The following RIMS2 variants were observed in gnomAD, a reference collection of about 807,000 sequenced individuals.
RIMS2 encodes regulating synaptic membrane exocytosis 2, also known as regulating synaptic membrane exocytosis protein 2.
A neutral mutation model predicts 174.4 loss-of-function variants in RIMS2; 59 were observed. That is an observed-to-expected ratio of 0.34 (90% CI 0.27 to 0.42). The LOEUF is 0.42. Ranked by LOEUF, RIMS2 falls within the 10% of genes least tolerant of loss-of-function variation. The pLI is 1.00. For missense variants in RIMS2, 1,620 were observed against 1,666.3 expected, an observed-to-expected ratio of 0.97 and a Z score of 0.48; for synonymous variants, 606 against 572.5, an observed-to-expected ratio of 1.06 and a Z score of -0.84.
chr8:103,913,626 C>T lies in RIMS2; in HGVS notation c.1812+1454C>T, dbSNP rs139840133. 6.6e-5 allele frequency among the ~76,000 whole-genome samples: 10 copies of T among 152,182 alleles called. No individual in the cohort carries two copies. The East Asian group carries it at 1.9e-3, about 29-fold the overall frequency. On this transcript the variant is annotated intron_variant, in intron 6 of 23. Transcript: ENST00000504942. ...GAGGTTTAATCAGCTCATAGTTCTG[C>T]AGGCTTTAAAGGAAGCATGATGCCA...
chr8:103,907,847 G>A (rs151300578), intron 4 of RIMS2, among the ~76,000 whole-genome samples: 6 of 151,508 alleles, frequency 4.0e-5, no homozygotes, highest in East Asian at 3.9e-4. Context: ...CCGGGTTCAC[G>A]CTATTCTCCT....
intron 3 of RIMS2, among the ~76,000 whole-genome samples, chr8:103,884,008 T>C (rs796077266): frequency 2.0e-5 from 3 of 151,890 alleles, no homozygotes; most frequent in East Asian, 1.9e-4. Flanking sequence ...TCAACTGTTA[T>C]GTAGCTTCTG....
In RIMS2 at chr8:103,656,158, A is replaced by G. The variant is rs2096529094; in HGVS notation, c.177-40928A>G. Among the ~76,000 whole-genome samples, 7 of 152,264 alleles carry G rather than the reference A, an allele frequency of 4.6e-5. No individual in the cohort carries two copies. In the South Asian group the frequency reaches 1.5e-3, roughly 32 times the overall value. On this transcript the variant is annotated intron_variant, in intron 1 of 23. Transcript: ENST00000504942. ...AGATTTAGAAGTTGTTGAAGAAGGG[A>G]AAAGAACCAAAGATGACTCCTGGGT...
intron 1 of RIMS2, among the ~76,000 whole-genome samples, chr8:103,583,708 A>T (rs533006597): frequency 6.6e-6 from 1 of 152,122 alleles, no homozygotes; most frequent in Non-Finnish European, 1.5e-5. Context: ...TTGAAAATAC[A>T]CAGTCAGAGG....
rs1259884091 is a variant in RIMS2 at position 103,989,497 on chromosome 8, T to C, written c.3044+76T>C. The C allele has an allele frequency of 2.7e-5, 19 of 698,070 alleles. No homozygotes were observed. In the East Asian group the frequency reaches 5.0e-4, roughly 19 times the overall value. 43.2% of individuals were successfully genotyped at this position (698,070 alleles called of 1,614,324 possible). On this transcript the variant is annotated intron_variant, in intron 17 of 23. Transcript: ENST00000504942. ...TTCAGGAAGGGGTTACCATAAAATA[T>C]TTTCACATATTCCTTTTTCTTAGTT...
chr8:103,518,446 A>G (rs1830058979), intron 1 of RIMS2, among the ~76,000 whole-genome samples: 1 of 152,084 alleles, frequency 6.6e-6, no homozygotes, highest in African/African-American at 2.4e-5. Context: ...TCTGGGCCAC[A>G]TGTGGCCTGC....
At chr8:103,778,446 T>A (rs1366279553) in intron 3 of RIMS2, among the ~76,000 whole-genome samples, 1 of 152,102 alleles carries the variant, frequency 6.6e-6, no homozygotes, top group Admixed American at 6.6e-5. Context: ...ACCATCAATC[T>A]ACTTTCTAGA....
At chr8:103,833,820 A>C (rs2154480819) in intron 3 of RIMS2, among the ~76,000 whole-genome samples, 1 of 152,204 alleles carries the variant, frequency 6.6e-6, no homozygotes, top group South Asian at 2.1e-4. Flanking sequence ...TGCTAATTTT[A>C]ACATCTGGGT....
intron 19 of RIMS2, among the ~76,000 whole-genome samples, chr8:104,126,887 G>A (rs1003440527): frequency 1.3e-5 from 2 of 152,132 alleles, no homozygotes; most frequent in African/African-American, 4.8e-5. Context: ...AAAAATCCCT[G>A]CAAATACACT....
chr8:103,802,288 C>G (rs1313132069), intron 3 of RIMS2, among the ~76,000 whole-genome samples: 1 of 152,154 alleles, frequency 6.6e-6, no homozygotes, highest in Non-Finnish European at 1.5e-5. Flanking sequence ...TGCGTATATG[C>G]TCATATAATC....
At chr8:103,964,354 C>A (rs569373667) in intron 15 of RIMS2, among the ~76,000 whole-genome samples, 40 of 152,198 alleles carry the variant, frequency 2.6e-4, no homozygotes, top group Admixed American at 7.2e-4. Flanking sequence ...GTGTTCTGAC[C>A]ATTCCAATAG....
At chr8:103,501,275 C>G in intron 1 of RIMS2, 1 of 299,650 alleles carries the variant, frequency 3.3e-6, no homozygotes. Context: ...CCAAGGCCGG[C>G]TGAGGTGAGG....
chr8:103,814,812 G>A (rs905767318), intron 3 of RIMS2, among the ~76,000 whole-genome samples: 25 of 152,082 alleles, frequency 1.6e-4, no homozygotes, highest in African/African-American at 5.1e-4. Flanking sequence ...CCAGGAGTTC[G>A]GAGTTACACC....
At chr8:103,825,989 T>C (rs949432747) in intron 3 of RIMS2, among the ~76,000 whole-genome samples, 6 of 152,186 alleles carry the variant, frequency 3.9e-5, no homozygotes, top group African/African-American at 1.4e-4. Context: ...CATCCTCTTA[T>C]GATAATTTTA....
At chr8:103,563,977 C>A (rs2091996865) in intron 1 of RIMS2, among the ~76,000 whole-genome samples, 1 of 152,142 alleles carries the variant, frequency 6.6e-6, no homozygotes, top group Non-Finnish European at 1.5e-5. Context: ...ATTCAATTAC[C>A]TTTCACTGGT....
intron 1 of RIMS2, among the ~76,000 whole-genome samples, chr8:103,592,357 G>A (rs1475842925): frequency 6.6e-6 from 1 of 150,992 alleles, no homozygotes; most frequent in Non-Finnish European, 1.5e-5. Flanking sequence ...TTGATAGTTT[G>A]ATTTACTAAG....
chr8:104,027,748 T>A (rs1158883574), intron 19 of RIMS2, among the ~76,000 whole-genome samples: 1 of 152,126 alleles, frequency 6.6e-6, no homozygotes, highest in African/African-American at 2.4e-5. Flanking sequence ...ATGTAATGAG[T>A]ATGAAATTGT....
intron 19 of RIMS2, among the ~76,000 whole-genome samples, chr8:104,051,066 AT>A (rs777367682): frequency 2.6e-5 from 4 of 152,014 alleles, no homozygotes; most frequent in Non-Finnish European, 5.9e-5. Context: ...GCAAGACCCC[AT>A]CTCTACAAAA....
intron 2 of RIMS2, among the ~76,000 whole-genome samples, chr8:103,708,662 C>T (rs2137827235): frequency 6.6e-6 from 1 of 152,292 alleles, no homozygotes; most frequent in Admixed American, 6.5e-5. Flanking sequence ...CTCCCTTTCA[C>T]TGTTTCCATT....
Sources: allele counts gnomAD v4.1 joint callset (sites outside exome capture counted in the v4.1 genomes callset), GRCh38; gene constraint gnomAD v4.1.1; transcripts MANE v1.5; gene names NCBI Gene and HGNC (gene_info 2026-07-23, HGNC 2026-07-21).